The following PTPRT variants were observed in gnomAD, a reference collection of about 807,000 sequenced individuals.
The protein encoded by PTPRT is protein tyrosine phosphatase receptor type T, also known as receptor-type tyrosine-protein phosphatase T.
In PTPRT, 56 loss-of-function variants were observed where a neutral mutation model predicts 176.8. That is an observed-to-expected ratio of 0.32 (90% confidence interval 0.26 to 0.40). The LOEUF (loss-of-function observed/expected upper bound fraction) is 0.40, where lower values mean the gene tolerates loss of function less well. PTPRT is among the 10% of genes least tolerant of loss of function. The pLI is 1.00. For missense variants in PTPRT, 1,540 were observed against 1,908.2 expected (o/e 0.81, Z 3.60); for synonymous variants, 783 against 739.0 (o/e 1.06, Z -0.96).
chr20:42,054,360 C>A, the PTPRT span, among the ~76,000 whole-genome samples: 8 of 152,212 alleles, frequency 5.3e-5, no homozygotes, highest in African/African-American at 1.9e-4. Context: ...AAGAATGAAT[C>A]CAAGCTTCTA....
At chr20:42,271,510 GA>G (rs2056935102) in intron 13 of PTPRT, among the ~76,000 whole-genome samples, 4 of 152,178 alleles carry the variant, frequency 2.6e-5, no homozygotes, top group Admixed American at 2.6e-4. Flanking sequence ...TAGTCTCCTT[GA>G]AAGCAGACAC....
intron 7 of PTPRT, among the ~76,000 whole-genome samples, chr20:42,600,474 A>G (rs1412344294): frequency 6.6e-6 from 1 of 151,988 alleles, no homozygotes; most frequent in African/African-American, 2.4e-5. Flanking sequence ...TTACATTTTT[A>G]ATTTTATAGA....
chr20:42,370,587 C>T (rs946394881), intron 9 of PTPRT, among the ~76,000 whole-genome samples: 2 of 152,094 alleles, frequency 1.3e-5, no homozygotes, highest in Non-Finnish European at 2.9e-5. Flanking sequence ...CATCTTGGTA[C>T]CCTGATTTTC....
chr20:43,166,330 A>G (rs549376851), intron 1 of PTPRT, among the ~76,000 whole-genome samples: 54 of 152,092 alleles, frequency 3.6e-4, no homozygotes, highest in African/African-American at 1.3e-3. Context: ...TCTGTCTAAA[A>G]AAAAAAAAAA....
chr20:42,914,898 C>A (rs1182026180), intron 1 of PTPRT, among the ~76,000 whole-genome samples: 1 of 151,784 alleles, frequency 6.6e-6, no homozygotes, highest in East Asian at 1.9e-4. Flanking sequence ...AAAATACATA[C>A]CAAACATTGC....
chr20:42,457,413 T>G (rs1173985766), intron 8 of PTPRT, among the ~76,000 whole-genome samples: 1 of 152,218 alleles, frequency 6.6e-6, no homozygotes, highest in Non-Finnish European at 1.5e-5. Context: ...TTAAAAATCT[T>G]GTTTCTTGCT....
intron 7 of PTPRT, among the ~76,000 whole-genome samples, chr20:42,556,751 G>A (rs981993800): frequency 6.6e-6 from 1 of 152,098 alleles, no homozygotes; most frequent in Admixed American, 6.5e-5. Context: ...TGTTGGCCAC[G>A]AAACACATTG....
intron 7 of PTPRT, among the ~76,000 whole-genome samples, chr20:42,592,258 A>G (rs2073593524): frequency 6.6e-6 from 1 of 151,896 alleles, no homozygotes; most frequent in African/African-American, 2.4e-5. Context: ...TACAGGCATG[A>G]GCCACCGCAC....
chr20:42,755,785 G>A (rs574794373), intron 6 of PTPRT, among the ~76,000 whole-genome samples: 146 of 152,228 alleles, frequency 9.6e-4, no homozygotes, highest in Non-Finnish European at 1.7e-3. Flanking sequence ...TGGAATTATC[G>A]AAATGACTGC....
chr20:43,040,652 T>C (rs573929536), intron 1 of PTPRT, among the ~76,000 whole-genome samples: 1 of 152,308 alleles, frequency 6.6e-6, no homozygotes, highest in South Asian at 2.1e-4. Context: ...TTCCTCCTCT[T>C]GTCAGAAGAG....
intron 30 of PTPRT, 25 bp from the exon 31 acceptor site, chr20:42,080,957 C>T (rs772022023): frequency 2.7e-5 from 41 of 1,538,422 alleles, no homozygotes; most frequent in Middle Eastern, 1.7e-4. Flanking sequence ...GGAGCAGAGG[C>T]AGAGAGGGAG....
At chr20:42,367,305 C>T (rs976274029) in intron 9 of PTPRT, among the ~76,000 whole-genome samples, 1 of 152,122 alleles carries the variant, frequency 6.6e-6, no homozygotes, top group Non-Finnish European at 1.5e-5. Context: ...GGGAGACTGT[C>T]GAGTAGGTCA....
chr20:42,637,334 G>A, intron 7 of PTPRT, among the ~76,000 whole-genome samples: 1 of 152,076 alleles, frequency 6.6e-6, no homozygotes, highest in East Asian at 1.9e-4. Context: ...TATGTGATCT[G>A]GGCCTTAACA....
At chr20:43,039,370 C>T (rs567589838) in intron 1 of PTPRT, among the ~76,000 whole-genome samples, 1 of 149,960 alleles carries the variant, frequency 6.7e-6, no homozygotes, top group South Asian at 2.1e-4. Context: ...AAAAAAACCA[C>T]AAAATCTCTA....
chr20:42,798,055 A>G (rs2077477735), intron 2 of PTPRT, among the ~76,000 whole-genome samples: 1 of 152,156 alleles, frequency 6.6e-6, no homozygotes, highest in Non-Finnish European at 1.5e-5. Context: ...GCAATAGGAA[A>G]CTAATACACA....
At chr20:42,338,977 G>A (rs1259727915) in intron 11 of PTPRT, among the ~76,000 whole-genome samples, 1 of 152,108 alleles carries the variant, frequency 6.6e-6, no homozygotes, top group Non-Finnish European at 1.5e-5. Context: ...CTGGCCCGGG[G>A]GGACAATGCA....
At chr20:43,053,439 G>A (rs1987122243) in intron 1 of PTPRT, among the ~76,000 whole-genome samples, 1 of 152,136 alleles carries the variant, frequency 6.6e-6, no homozygotes, top group African/African-American at 2.4e-5. Context: ...TACAACCCAT[G>A]AGTGGCAGCT....
Position 42,567,796 on chromosome 20 carries a change from G to GT in PTPRT, c.1154-95235dup, listed in dbSNP as rs1482610958. 2.6e-5 allele frequency among the ~76,000 whole-genome samples: 4 copies of GT among 152,160 alleles called. No homozygotes were observed. The East Asian group carries it at 7.7e-4, about 29-fold the overall frequency. ...TGAACAACAGACCTGTTTTATAATT[G>GT]TGATATATTTTCCTGGTGGCCTGGA... On this transcript the variant is annotated intron_variant, in intron 7 of 30. Transcript: ENST00000373187.
At chr20:43,007,474 A>G (rs1984910854) in intron 1 of PTPRT, among the ~76,000 whole-genome samples, 1 of 152,240 alleles carries the variant, frequency 6.6e-6, no homozygotes, top group Non-Finnish European at 1.5e-5. Flanking sequence ...AATTAAAGCT[A>G]CTGTACCAAA....
Sources: gnomAD v4.1 joint callset for allele counts (sites outside exome capture counted in the v4.1 genomes callset) on GRCh38, gnomAD v4.1.1 for gene constraint, MANE v1.5 for transcripts, NCBI Gene and HGNC (gene_info 2026-07-23, HGNC 2026-07-21) for gene names.